Variants in HIP1 observed in about 807,000 individuals in gnomAD.
The protein encoded by HIP1 is huntingtin-interacting protein 1.
A neutral mutation model predicts 147.6 loss-of-function variants in HIP1; 65 were observed. The ratio of observed to expected loss-of-function variants is 0.44; its 90% CI spans 0.36 to 0.54. The LOEUF (loss-of-function observed/expected upper bound fraction) is 0.54. Among genes scored for constraint, HIP1 ranks in the 20% least tolerant of loss-of-function variants. HIP1 has a pLI of 0.00. For synonymous variants in HIP1, 479 were observed against 504.0 expected, an observed-to-expected ratio of 0.95 and a Z score of 0.67; for missense variants, 1,061 against 1,299.6, an observed-to-expected ratio of 0.82 and a Z score of 2.82.
At chr7:75,540,343 C>A (rs1554489609) in intron 29 of HIP1, among the ~76,000 whole-genome samples, 1 of 150,496 alleles carries the variant, frequency 6.6e-6, no homozygotes, top group Non-Finnish European at 1.5e-5. Context: ...GTAGGAGAAT[C>A]GCTTGAACCT....
intron 1 of HIP1, among the ~76,000 whole-genome samples, chr7:75,668,144 C>T (rs1799617188): frequency 6.6e-6 from 1 of 152,174 alleles, no homozygotes. Context: ...AGCCTGTGCC[C>T]ATAATGGCTC....
chr7:75,633,008 G>A (rs587690051), intron 1 of HIP1, among the ~76,000 whole-genome samples: 1 of 152,294 alleles, frequency 6.6e-6, no homozygotes, highest in East Asian at 1.9e-4. Context: ...GTCTGTCAGA[G>A]GGTGGGGAGG....
intron 1 of HIP1, among the ~76,000 whole-genome samples, 199 bp from the exon 2 acceptor site, chr7:75,599,446 C>T (rs931433798): frequency 1.3e-5 from 2 of 152,190 alleles, no homozygotes; most frequent in Non-Finnish European, 2.9e-5. Context: ...GCTGGGCCGT[C>T]CTGAGGGAGT....
chr7:75,542,808 C>T (rs371052445), intron 28 of HIP1, 43 bp downstream of exon 28: 1 of 1,604,662 alleles, frequency 6.2e-7, no homozygotes. Context: ...CAGAGAAGAG[C>T]TCAACAGGGT....
intron 1 of HIP1, among the ~76,000 whole-genome samples, chr7:75,699,252 A>G (rs1554519007): frequency 1.3e-5 from 2 of 152,018 alleles, no homozygotes; most frequent in Non-Finnish European, 2.9e-5. Context: ...TCTTACAAAG[A>G]TATTTTCTGG....
chr7:75,599,155 G>A (rs781977101), intron 2 of HIP1, 29 bp downstream of exon 2: 60 of 1,574,974 alleles, frequency 3.8e-5, no homozygotes, highest in South Asian at 6.6e-5. Flanking sequence ...CCTCAGGGTC[G>A]GTCTTCCAAG....
chr7:75,736,503 C>T (rs914969484), intron 1 of HIP1, among the ~76,000 whole-genome samples: 4 of 151,808 alleles, frequency 2.6e-5, no homozygotes, highest in Non-Finnish European at 4.4e-5. Context: ...AATCACTTGA[C>T]GCCAGGAGTT....
intron 1 of HIP1, among the ~76,000 whole-genome samples, chr7:75,704,836 G>A (rs1800941913): frequency 6.6e-6 from 1 of 152,110 alleles, no homozygotes; most frequent in Non-Finnish European, 1.5e-5. Flanking sequence ...GCCTCCCAAA[G>A]TGCTGGGATT....
chr7:75,737,189 G>A (rs1417528025), intron 1 of HIP1, among the ~76,000 whole-genome samples: 2 of 152,124 alleles, frequency 1.3e-5, no homozygotes, highest in East Asian at 1.9e-4. Flanking sequence ...GCCTCCCAAA[G>A]TACGGGGATT....
chr7:75,622,975 A>G (rs1205246542), intron 1 of HIP1, among the ~76,000 whole-genome samples: 1 of 151,936 alleles, frequency 6.6e-6, no homozygotes, highest in Non-Finnish European at 1.5e-5. Flanking sequence ...AGGCGGGCAG[A>G]TCACCTGAGG....
chr7:75,573,668 G>T, intron 8 of HIP1, 93 bp downstream of exon 8: 2 of 1,327,524 alleles, frequency 1.5e-6, no homozygotes, highest in Non-Finnish European at 2.1e-6. Flanking sequence ...CAAAGGCACT[G>T]AGAAGGACTG....
intron 5 of HIP1, among the ~76,000 whole-genome samples, chr7:75,584,108 C>T (rs1035963350): frequency 5.3e-5 from 8 of 150,830 alleles, no homozygotes; most frequent in African/African-American, 1.5e-4. Flanking sequence ...TTAACAGGCA[C>T]GCACCACCAT....
At chr7:75,620,455 G>A (rs374878623) in intron 1 of HIP1, among the ~76,000 whole-genome samples, 1 of 151,662 alleles carries the variant, frequency 6.6e-6, no homozygotes, top group African/African-American at 2.4e-5. Flanking sequence ...GGGAGGCCAA[G>A]GTGGGTGGGT....
At position 75,622,398 on chromosome 7, in the gene HIP1, G is replaced by A. The variant is rs113562238; in HGVS notation, c.121-23151C>T. ...GGGGACAGCCTGAGGACACCCCGAC[G>A]TTCAGGAGAGACAGGAGGCCAGGTA... On this transcript the variant is annotated intron_variant, in intron 1 of 30. Transcript: ENST00000336926. 8.1e-3 allele frequency among the ~76,000 whole-genome samples: 1,233 copies of A among 152,026 alleles called. 15 individuals are homozygous for A. Among genetic ancestry groups the A allele is most frequent in the Middle Eastern group, 0.038 (11 of 292 alleles).
chr7:75,638,598 T>C (rs1278035326), intron 1 of HIP1, among the ~76,000 whole-genome samples: 1 of 152,170 alleles, frequency 6.6e-6, no homozygotes, highest in Non-Finnish European at 1.5e-5. Context: ...GGTTGAAACC[T>C]GGCTTCTCAC....
At chr7:75,703,754 T>C (rs1800909410) in intron 1 of HIP1, among the ~76,000 whole-genome samples, 1 of 152,026 alleles carries the variant, frequency 6.6e-6, no homozygotes, top group African/African-American at 2.4e-5. Flanking sequence ...AAACAAAACA[T>C]AAAGTAGATC....
At chr7:75,650,941 T>C (rs1554511867) in intron 1 of HIP1, among the ~76,000 whole-genome samples, 1 of 151,460 alleles carries the variant, frequency 6.6e-6, no homozygotes, top group Non-Finnish European at 1.5e-5. Context: ...GGGGGCAGAG[T>C]GAGGGAGAAG....
intron 1 of HIP1, among the ~76,000 whole-genome samples, chr7:75,688,320 C>T (rs997384329): frequency 6.6e-6 from 1 of 152,074 alleles, no homozygotes; most frequent in Non-Finnish European, 1.5e-5. Context: ...AGACTCCTCA[C>T]CACACACGCA....
intron 7 of HIP1, among the ~76,000 whole-genome samples, chr7:75,576,659 A>C (rs1795855918): frequency 6.6e-6 from 1 of 152,068 alleles, no homozygotes; most frequent in Non-Finnish European, 1.5e-5. Context: ...CAGTGAGCCA[A>C]GATCCCACCA....
Sources: gnomAD v4.1 joint callset for allele counts (sites outside exome capture counted in the v4.1 genomes callset) on GRCh38, gnomAD v4.1.1 for gene constraint, MANE v1.5 for transcripts, NCBI Gene and HGNC (gene_info 2026-07-23, HGNC 2026-07-21) for gene names.